NFIB: variants seen among roughly 807,000 people sequenced by gnomAD.
NFIB encodes the protein nuclear factor I B, also known as nuclear factor 1 B-type.
Under a neutral mutation model 61.5 loss-of-function variants are expected in NFIB, and 11 were observed. That is an observed-to-expected ratio of 0.18 (90% confidence interval 0.11 to 0.30). NFIB has a LOEUF of 0.30. Ranked by LOEUF, NFIB falls within the 10% of genes least tolerant of loss-of-function variation. NFIB has a pLI of 1.00. For synonymous variants in NFIB, 260 were observed against 216.5 expected, an observed-to-expected ratio of 1.20 and a Z score of -1.76; for missense variants, 471 against 608.9, an observed-to-expected ratio of 0.77 and a Z score of 2.38.
At chr9:14,161,644 G>A (rs559760263) in intron 3 of NFIB, among the ~76,000 whole-genome samples, 23 of 152,066 alleles carry the variant, frequency 1.5e-4, no homozygotes, top group African/African-American at 5.5e-4. Context: ...TTGCATGGCT[G>A]TATCATACTT....
In NFIB at chr9:14,219,381, TAA is replaced by T. The variant is rs751279935; in HGVS notation, c.563-39603_563-39602del. Reference sequence around the variant, plus strand: ...ATAGAGTCATCTTGTAGCACTAGGGTAAAAAAAAAAAAAAAAAAAAAAAGTCT... The same window carrying T: ...ATAGAGTCATCTTGTAGCACTAGGGTAAAAAAAAAAAAAAAAAAAAAGTCT... On this transcript the variant is annotated intron_variant, in intron 2 of 10. Coordinates refer to ENST00000380953, the MANE Select transcript of NFIB (RefSeq NM_001190737.2). Among the ~76,000 whole-genome samples, 314 of 73,508 alleles carry T rather than the reference TAA, an allele frequency of 4.3e-3. 2 individuals are homozygous for T. The highest frequency in any genetic ancestry group is 0.012 in the Middle Eastern group (1 of 82). The allele number at this position is 73,508 out of a possible 152,430, so 48.2% of individuals were successfully genotyped here.
chr9:14,179,319 C>A (rs1245292324), intron 3 of NFIB, among the ~76,000 whole-genome samples: 3 of 152,004 alleles, frequency 2.0e-5, no homozygotes, highest in African/African-American at 7.2e-5. Flanking sequence ...CCAACCACTC[C>A]CACCCCCAAC....
the NFIB span, among the ~76,000 whole-genome samples, chr9:14,414,725 T>C: frequency 6.6e-6 from 1 of 152,130 alleles, no homozygotes; most frequent in African/African-American, 2.4e-5. Context: ...CATTTATTAT[T>C]CATTTTAAAG....
At chr9:14,478,271 T>C in the NFIB span, among the ~76,000 whole-genome samples, 2 of 152,212 alleles carry the variant, frequency 1.3e-5, no homozygotes, top group African/African-American at 4.8e-5. Context: ...TCTTAAGTCT[T>C]TTCCTCCATC....
At chr9:14,264,375 T>C (rs1436819745) in intron 2 of NFIB, among the ~76,000 whole-genome samples, 2 of 152,192 alleles carry the variant, frequency 1.3e-5, no homozygotes, top group African/African-American at 2.4e-5. Context: ...ATTTGTTTTT[T>C]AATTCAAAAG....
intron 1 of NFIB, among the ~76,000 whole-genome samples, chr9:14,344,275 A>AG (rs1030548941): frequency 2.0e-5 from 3 of 151,370 alleles, no homozygotes; most frequent in African/African-American, 7.3e-5. Flanking sequence ...GGGCCGAGAG[A>AG]GGGGGGTGAT....
chr9:14,318,366 A>G, upstream of NFIB, among the ~76,000 whole-genome samples: 1 of 152,292 alleles, frequency 6.6e-6, no homozygotes, highest in East Asian at 1.9e-4. Context: ...GGAGCTTGAC[A>G]TCTCAAGTAT....
the NFIB span, among the ~76,000 whole-genome samples, chr9:14,467,073 G>A: frequency 3.9e-5 from 6 of 152,270 alleles, no homozygotes; most frequent in South Asian, 2.1e-4. Flanking sequence ...GTCAGGCTTC[G>A]CTCTAATGAG....
chr9:14,507,532 A>T, the NFIB span, among the ~76,000 whole-genome samples: 2 of 152,206 alleles, frequency 1.3e-5, no homozygotes. Context: ...AATTGTTTTA[A>T]GGATGTCCTT....
At chr9:14,117,888 G>A (rs1030215519) in intron 8 of NFIB, among the ~76,000 whole-genome samples, 1 of 152,118 alleles carries the variant, frequency 6.6e-6, no homozygotes, top group Non-Finnish European at 1.5e-5. Flanking sequence ...GGAGGAAAAG[G>A]CATCTCAGTT....
At chr9:14,135,631 A>T (rs1202024974) in intron 6 of NFIB, among the ~76,000 whole-genome samples, 1 of 152,162 alleles carries the variant, frequency 6.6e-6, no homozygotes, top group Admixed American at 6.5e-5. Flanking sequence ...ATGCCAGATG[A>T]TTCAAAAAAT....
Position 14,115,830 on chromosome 9 carries a change from G to C in NFIB, c.1384+378C>G, listed in dbSNP as rs532502110. ...GATTTCTATAGGAATGCTCCAATAAGTACCAATTACCTAATCTCTCTTTGG... is the reference window on the plus strand; with the variant it reads ...GATTTCTATAGGAATGCTCCAATAACTACCAATTACCTAATCTCTCTTTGG... On this transcript the variant is annotated intron_variant, in intron 9 of 10. Transcript: ENST00000380953. Among the ~76,000 whole-genome samples, 14 of 152,306 alleles carry C rather than the reference G, an allele frequency of 9.2e-5. No individual in the cohort carries two copies. In the East Asian group the frequency reaches 2.7e-3, roughly 29 times the overall value.
chr9:14,248,182 C>T (rs1372656005), intron 2 of NFIB, among the ~76,000 whole-genome samples: 1 of 151,790 alleles, frequency 6.6e-6, no homozygotes, highest in Non-Finnish European at 1.5e-5. Flanking sequence ...ATCCTCCCAC[C>T]TCAGCTCTAC....
At chr9:14,452,515 G>GAAAGGAAAGGAAAGGAAAGGA in the NFIB span, among the ~76,000 whole-genome samples, 5 of 116,550 alleles carry the variant, frequency 4.3e-5, no homozygotes, top group Admixed American at 9.7e-5. Flanking sequence ...AGGAAAGGAG[G>GAAAGGAAAGGAAAGGAAAGGA]AAGGAAGTAG....
chr9:14,500,636 G>A, the NFIB span, among the ~76,000 whole-genome samples: 1 of 152,002 alleles, frequency 6.6e-6, no homozygotes, highest in Non-Finnish European at 1.5e-5. Flanking sequence ...GCCCAGTCCC[G>A]GTAAAAGCAA....
intron 2 of NFIB, among the ~76,000 whole-genome samples, chr9:14,299,345 T>G (rs182476735): frequency 6.6e-6 from 1 of 152,204 alleles, no homozygotes; most frequent in Non-Finnish European, 1.5e-5. Context: ...TTAATATTAA[T>G]GGATGCTTGT....
chr9:14,149,059 T>TAG (rs567788500), intron 5 of NFIB, among the ~76,000 whole-genome samples: 187 of 152,332 alleles, frequency 1.2e-3, no homozygotes, highest in African/African-American at 4.3e-3. Flanking sequence ...AACAGTGATT[T>TAG]AGCAGACAGA....
intron 1 of NFIB, among the ~76,000 whole-genome samples, chr9:14,372,476 T>G (rs1270629824): frequency 6.6e-6 from 1 of 152,262 alleles, no homozygotes; most frequent in Non-Finnish European, 1.5e-5. Flanking sequence ...TTTTCAATTT[T>G]AAAAGCACTT....
rs555619785 is a variant in NFIB, at chr9:14,333,144, T to C, written c.109-25624A>G. 9.2e-5 allele frequency among the ~76,000 whole-genome samples: 14 copies of C among 152,304 alleles called. No homozygotes were observed. In the East Asian group the frequency reaches 2.5e-3, roughly 27 times the overall value. ...CTGCAAGCCTGAATGCTTTGAGAGA[T>C]GTATGCCCTTTCACTCTGGCTTATG... On this transcript the variant is annotated intron_variant, in intron 1 of 8. Coordinates refer to the NFIB transcript ENST00000380934.
Sources: gnomAD v4.1 joint callset for allele counts (sites outside exome capture counted in the v4.1 genomes callset) on GRCh38, gnomAD v4.1.1 for gene constraint, MANE v1.5 for transcripts, NCBI Gene and HGNC (gene_info 2026-07-23, HGNC 2026-07-21) for gene names.